TANC2: variants seen among roughly 807,000 people sequenced by gnomAD.
TANC2 encodes protein TANC2.
In TANC2, 26 loss-of-function variants were observed where a neutral mutation model predicts 210.5. That is an observed-to-expected ratio of 0.12 (90% CI 0.09 to 0.17). The LOEUF (loss-of-function observed/expected upper bound fraction) is 0.17, where lower values mean the gene tolerates loss of function less well. Ranked by LOEUF, TANC2 falls within the 10% of genes least tolerant of loss-of-function variation. The pLI is 1.00. For missense variants in TANC2, 2,129 were observed against 2,608.9 expected, an observed-to-expected ratio of 0.82 and a Z score of 4.01; for synonymous variants, 931 against 967.1, an observed-to-expected ratio of 0.96 and a Z score of 0.69.
At chr17:63,152,955 A>G (rs2039705922) in intron 5 of TANC2, 1 of 152,174 alleles carries the variant, frequency 6.6e-6, no homozygotes, top group African/African-American at 2.4e-5. Context: ...GATTTTTAGA[A>G]AGCAAGGAAG....
intron 11 of TANC2, chr17:63,332,255 GT>G: frequency 3.1e-6 from 1 of 322,798 alleles, no homozygotes. Flanking sequence ...TCCTTTTTTG[GT>G]TTTATTTGAC....
At chr17:62,991,419 A>G (rs1250440422) in intron 1 of TANC2, among the ~76,000 whole-genome samples, 2 of 152,062 alleles carry the variant, frequency 1.3e-5, no homozygotes, top group African/African-American at 4.8e-5. Context: ...CGGGCGGATC[A>G]TGAGGTCAGG....
rs2033103181 is a variant in TANC2 at position 62,996,283 on chromosome 17, C to A, written c.-23-13254C>A. Among the ~76,000 whole-genome samples the A allele has an allele frequency of 2.6e-5, 4 of 152,304 alleles. No homozygotes were observed. In the South Asian group the frequency reaches 8.3e-4, roughly 32 times the overall value. On this transcript the variant is annotated intron_variant, in intron 1 of 27. Transcript: ENST00000689528. Reference sequence around the variant, plus strand: ...CTATATTTGAGTCCTTGTGGACAAACTGTAACCCAGCTTAATAGGCAGACA... The same window carrying A: ...CTATATTTGAGTCCTTGTGGACAAAATGTAACCCAGCTTAATAGGCAGACA...
chr17:63,135,157 A>G (rs553394609), intron 4 of TANC2, among the ~76,000 whole-genome samples: 28 of 152,316 alleles, frequency 1.8e-4, no homozygotes, highest in African/African-American at 6.5e-4. Flanking sequence ...TCAAGACTGC[A>G]GTGAGCCATG....
At chr17:63,389,208 A>G (rs986379899) in intron 16 of TANC2, 100 bp from the exon 17 acceptor site, 6 of 868,272 alleles carry the variant, frequency 6.9e-6, no homozygotes, top group Non-Finnish European at 1.1e-5. Flanking sequence ...ACTAAATGCT[A>G]CTAGACACTG....
Position 63,421,543 on chromosome 17 carries a change from G to A in TANC2, c.5813G>A (p.Arg1938Gln). ...ATGGGGATCATAGATAAAACAGCAC[G>A]GACTCAGCAGTACCCCCACCTCCAC... Residue 1938 changes from arginine to glutamine, a missense_variant, in exon 28 of 28, where the codon CGG becomes CAG. Around this residue, in one of 5 missense-constraint regions of TANC2, gnomAD observed 161 missense variants for 178.6 expected, o/e 0.90. Transcript: ENST00000689528. This position sits in a 1 kb window ranked among gnomAD's most constrained non-coding sequence, Gnocchi z 6.9. The A allele has an allele frequency of 6.2e-7, 1 of 1,613,966 alleles. No individual in the cohort carries two copies. The highest frequency in any genetic ancestry group is 8.5e-7 in the Non-Finnish European group (1 of 1,179,882).
rs1433050397 is a variant in TANC2, at chr17:63,208,340, T to G, written c.769+7383T>G. ...TCTAGGTCTTTTTCTGAGCTTTTATTCTAGGTCTTTTTCTGAGCTTTTATT... is the reference window on the plus strand; with the variant it reads ...TCTAGGTCTTTTTCTGAGCTTTTATGCTAGGTCTTTTTCTGAGCTTTTATT... On this transcript the variant is annotated intron_variant, in intron 7 of 27. Transcript: ENST00000689528. Among the ~76,000 whole-genome samples the G allele has an allele frequency of 2.6e-5, 4 of 152,312 alleles. No homozygotes were observed. The South Asian group carries it at 8.3e-4, about 32-fold the overall frequency.
chr17:63,202,339 CT>C (rs1275928812), intron 7 of TANC2, among the ~76,000 whole-genome samples: 4 of 152,088 alleles, frequency 2.6e-5, no homozygotes, highest in African/African-American at 9.7e-5. Flanking sequence ...GGAAATTGGG[CT>C]TCTGTCCAAA....
At chr17:63,281,439 A>C (rs750170184) in intron 9 of TANC2, among the ~76,000 whole-genome samples, 10 of 152,108 alleles carry the variant, frequency 6.6e-5, no homozygotes, top group Non-Finnish European at 1.5e-4. Flanking sequence ...ATATGTATAG[A>C]AGAAATCCTA....
chr17:63,164,231 C>T (rs1237104121), intron 5 of TANC2, among the ~76,000 whole-genome samples: 1 of 149,664 alleles, frequency 6.7e-6, no homozygotes, highest in African/African-American at 2.5e-5. Context: ...ACCTCCTGGG[C>T]TCAAACAACC....
rs540513895 is a variant in TANC2 at position 63,052,865 on chromosome 17, A to C, written c.68-21078A>C. Among the ~76,000 whole-genome samples, 32 of 152,352 alleles carry C rather than the reference A, an allele frequency of 2.1e-4. No individual in the cohort carries two copies. In the South Asian group the frequency reaches 6.6e-3, roughly 32 times the overall value. On this transcript the variant is annotated intron_variant, in intron 2 of 27. Transcript: ENST00000689528. ...TGTACTAATAAAACTTTATTTGTGA[A>C]CACTAAAACTTGAATTTCAAATATT...
chr17:63,289,814 T>A (rs1009891798), intron 9 of TANC2, among the ~76,000 whole-genome samples: 1 of 152,162 alleles, frequency 6.6e-6, no homozygotes, highest in Non-Finnish European at 1.5e-5. Context: ...CCTTTATTAT[T>A]AATCATGTGG....
chr17:63,164,829 A>G (rs1291436448), intron 5 of TANC2, among the ~76,000 whole-genome samples: 1 of 152,212 alleles, frequency 6.6e-6, no homozygotes, highest in Non-Finnish European at 1.5e-5. Context: ...CCCTCAGCAG[A>G]TTGGACAATG....
In TANC2 at chr17:63,389,303, T is replaced by G. The variant is rs370532850; in HGVS notation, c.2815-5T>G. The G allele has an allele frequency of 2.4e-5, 38 of 1,607,428 alleles. No homozygotes were observed. Among genetic ancestry groups the G allele is most frequent in the Non-Finnish European group, 2.9e-5 (34 of 1,174,832 alleles). ...TAATTATTAGTTCTGTTTGTTTATT[T>G]CTAGGTCAGCCGACTGCTGATTTTG... On this transcript the variant is annotated splice_region_variant and splice_polypyrimidine_tract_variant and intron_variant, in intron 16 of 27. Transcript: ENST00000689528.
intron 2 of TANC2, among the ~76,000 whole-genome samples, chr17:63,034,845 A>G (rs2034909612): frequency 6.6e-6 from 1 of 152,200 alleles, no homozygotes; most frequent in African/African-American, 2.4e-5. Context: ...TTACTTACAG[A>G]TGTGCAGAGA....
chr17:63,194,980 A>G (rs1242002701), intron 6 of TANC2, among the ~76,000 whole-genome samples: 2 of 152,200 alleles, frequency 1.3e-5, no homozygotes, highest in African/African-American at 4.8e-5. Flanking sequence ...TCAGGAGATG[A>G]CAAATTAATT....
intron 12 of TANC2, 41 bp downstream of exon 12, chr17:63,340,373 G>C (rs753456490): frequency 1.3e-6 from 2 of 1,546,534 alleles, no homozygotes; most frequent in Admixed American, 3.4e-5. Flanking sequence ...TGGAGGTTTA[G>C]AGCCCAAGTT....
At chr17:63,053,825 C>A (rs1330165437) in intron 2 of TANC2, among the ~76,000 whole-genome samples, 1 of 152,204 alleles carries the variant, frequency 6.6e-6, no homozygotes. Flanking sequence ...TCCTCAATTT[C>A]TTTATCTTAC....
rs376047073 is a variant in TANC2, at chr17:63,389,481, G to A, written c.2988G>A (p.Leu996=). The change falls in exon 17 of 28, where the codon CTG becomes CTA. Residue 996 remains leucine (L), a synonymous_variant. Coordinates refer to ENST00000689528, the Ensembl canonical transcript of TANC2. ...CTTCTGAAAGTGGCCTGACTCCCCT[G>A]GGATATGCTGCAGCAGCAGGGTACC... The A allele has an allele frequency of 1.3e-4, 209 of 1,613,624 alleles. No individual in the cohort carries two copies. The South Asian group carries it at 2.1e-3, about 17-fold the overall frequency.
Sources: gnomAD v4.1 joint callset for allele counts (sites outside exome capture counted in the v4.1 genomes callset) on GRCh38, gnomAD v4.1.1 for gene constraint, gnomAD v4.1.1 regional missense constraint, Gnocchi (gnomAD v3.1) non-coding constraint, MANE v1.5 for transcripts, NCBI Gene and HGNC (gene_info 2026-07-23, HGNC 2026-07-21) for gene names.